Variants in MRPS9 observed in about 807,000 individuals in gnomAD.
The protein encoded by MRPS9 is small ribosomal subunit protein uS9m.
Under a neutral mutation model 59.9 loss-of-function variants are expected in MRPS9, and 45 were observed. The ratio of observed to expected loss-of-function variants is 0.75; its 90% CI spans 0.59 to 0.96. MRPS9 has a LOEUF of 0.96. Ranked by LOEUF, MRPS9 falls within the 40% of genes least tolerant of loss-of-function variation. The probability of loss-of-function intolerance (pLI) is 0.00; values close to 1 mark genes in which losing one functional copy is unlikely to be tolerated. For missense variants in MRPS9, 473 were observed against 481.1 expected (o/e 0.98, Z 0.16); for synonymous variants, 171 against 166.8 (o/e 1.03, Z -0.19).
chr2:105,051,449 A>G (rs188698324), intron 2 of MRPS9, among the ~76,000 whole-genome samples: 5 of 152,284 alleles, frequency 3.3e-5, no homozygotes, highest in African/African-American at 9.6e-5. Context: ...GCTTTATAGT[A>G]AGTTTTGAAA....
chr2:105,067,901 C>T (rs1680033992), intron 2 of MRPS9, among the ~76,000 whole-genome samples: 1 of 152,160 alleles, frequency 6.6e-6, no homozygotes. Flanking sequence ...TGTCATAGCT[C>T]ACTGCAGACT....
intron 2 of MRPS9, among the ~76,000 whole-genome samples, chr2:105,051,467 G>T (rs1267464265): frequency 6.6e-6 from 1 of 152,150 alleles, no homozygotes; most frequent in Non-Finnish European, 1.5e-5. Flanking sequence ...AAATTGGGAA[G>T]TGTAAGTAGT....
chr2:105,054,648 C>T (rs1201251020), intron 2 of MRPS9, among the ~76,000 whole-genome samples: 4 of 113,544 alleles, frequency 3.5e-5, no homozygotes, highest in Non-Finnish European at 1.8e-5. Flanking sequence ...TTAAATATAG[C>T]GGGCCCCTTT....
intron 1 of MRPS9, among the ~76,000 whole-genome samples, chr2:105,044,640 G>A (rs575761363): frequency 6.6e-6 from 1 of 152,236 alleles, no homozygotes; most frequent in South Asian, 2.1e-4. Flanking sequence ...CCTCAATTAT[G>A]TTAAAAGTAG....
rs749241509 is a variant in MRPS9 at position 105,049,323 on chromosome 2, A to G, written c.288A>G (p.Pro96=). 2 of 1,611,296 alleles carry G rather than the reference A, an allele frequency of 1.2e-6. No homozygotes were observed. The highest frequency in any genetic ancestry group is 1.7e-6 in the Non-Finnish European group (2 of 1,179,332). Residue 96 remains proline (P), a synonymous_variant, in exon 2 of 11, where the codon CCA becomes CCG. Transcript: ENST00000258455. ...TAGCCAACATGATGGGAGAAGATCC[A>G]GAAACTTTCACTCAAGAAGATATTG... ...RHLANMMGED[P]ETFTQEDIDR... is the part of the protein sequence containing the mutation.
At chr2:105,081,254 A>G (rs1469001892) in intron 5 of MRPS9, among the ~76,000 whole-genome samples, 3 of 152,236 alleles carry the variant, frequency 2.0e-5, no homozygotes, top group Non-Finnish European at 2.9e-5. Flanking sequence ...AAGGGATGCA[A>G]TGCTGCGTTT....
rs1034878791 is a variant in MRPS9 at position 105,093,518 on chromosome 2, A to G, written c.821-12A>G. On this transcript the variant is annotated splice_polypyrimidine_tract_variant and intron_variant, in intron 8 of 10. Coordinates refer to ENST00000258455, the MANE Select transcript of MRPS9 (RefSeq NM_182640.3). Reference sequence around the variant, plus strand: ...CAAGATATTTACTAATAGGAATTTTATATTTTTGAAGGTAAAAGAAAGACT... The same window carrying G: ...CAAGATATTTACTAATAGGAATTTTGTATTTTTGAAGGTAAAAGAAAGACT... 3 of 1,496,364 alleles carry G rather than the reference A, an allele frequency of 2.0e-6. No individual in the cohort carries two copies. The highest frequency in any genetic ancestry group is 2.8e-6 in the Non-Finnish European group (3 of 1,090,696). The allele number at this position is 1,496,364 out of a possible 1,614,324, so 92.7% of individuals were successfully genotyped here.
At chr2:105,088,063 G>T (rs1302605271) in intron 5 of MRPS9, among the ~76,000 whole-genome samples, 1 of 151,306 alleles carries the variant, frequency 6.6e-6, no homozygotes. Flanking sequence ...TCAGTAACAA[G>T]GTGTATCTTC....
At chr2:105,071,099 A>T (rs112759585) in intron 2 of MRPS9, among the ~76,000 whole-genome samples, 5 of 152,240 alleles carry the variant, frequency 3.3e-5, no homozygotes, top group Non-Finnish European at 5.9e-5. Context: ...TTTAAAGCTG[A>T]CACTTGAAAA....
At chr2:105,058,926 C>T (rs938859568) in intron 2 of MRPS9, among the ~76,000 whole-genome samples, 1 of 152,138 alleles carries the variant, frequency 6.6e-6, no homozygotes, top group Non-Finnish European at 1.5e-5. Context: ...GATCCACCCA[C>T]CTCGGCCTCC....
intron 2 of MRPS9, among the ~76,000 whole-genome samples, chr2:105,058,535 A>T (rs1039573723): frequency 1.3e-5 from 2 of 152,240 alleles, no homozygotes; most frequent in Non-Finnish European, 2.9e-5. Flanking sequence ...AAACATGTTT[A>T]CTAATGAGGA....
chr2:105,057,589 G>A (rs73945020), intron 2 of MRPS9, among the ~76,000 whole-genome samples: 2 of 151,904 alleles, frequency 1.3e-5, no homozygotes, highest in Non-Finnish European at 2.9e-5. Context: ...GCTAGGTGAG[G>A]AGTGCAGCAA....
At chr2:105,057,199 C>A (rs181902612) in intron 2 of MRPS9, among the ~76,000 whole-genome samples, 1 of 152,078 alleles carries the variant, frequency 6.6e-6, no homozygotes, top group Non-Finnish European at 1.5e-5. Context: ...TACTGATAAC[C>A]TTTAGAAGAT....
chr2:105,049,888 A>G (rs1679677481), intron 2 of MRPS9, among the ~76,000 whole-genome samples: 1 of 152,228 alleles, frequency 6.6e-6, no homozygotes, highest in African/African-American at 2.4e-5. Context: ...AGTTGAATTT[A>G]ACAACTTTGA....
chr2:105,069,300 C>T (rs547655467), intron 2 of MRPS9, among the ~76,000 whole-genome samples: 8 of 151,720 alleles, frequency 5.3e-5, no homozygotes, highest in African/African-American at 1.5e-4. Flanking sequence ...CTGCAACCTC[C>T]GCCTTCCAGG....
intron 2 of MRPS9, among the ~76,000 whole-genome samples, chr2:105,068,240 G>A (rs931107347): frequency 2.6e-5 from 4 of 152,140 alleles, no homozygotes; most frequent in Non-Finnish European, 5.9e-5. Context: ...ACAGGAAATA[G>A]TTTTTAAGAT....
At chr2:105,070,160 C>A (rs1175755257) in intron 2 of MRPS9, among the ~76,000 whole-genome samples, 4 of 152,132 alleles carry the variant, frequency 2.6e-5, no homozygotes, top group African/African-American at 9.7e-5. Context: ...TGCACTCCAG[C>A]CTGCGTGACA....
At chr2:105,068,404 A>T (rs189613568) in intron 2 of MRPS9, among the ~76,000 whole-genome samples, 201 of 152,294 alleles carry the variant, frequency 1.3e-3, no homozygotes, top group Non-Finnish European at 2.6e-3. Flanking sequence ...TATCAGTGTT[A>T]TGACTGACTA....
chr2:105,039,632 T>C (rs561894608), intron 1 of MRPS9, among the ~76,000 whole-genome samples: 1 of 152,342 alleles, frequency 6.6e-6, no homozygotes, highest in Non-Finnish European at 1.5e-5. Flanking sequence ...TGCAGTATAT[T>C]GTAAAGTAGA....
Sources: gnomAD v4.1 joint callset for allele counts (sites outside exome capture counted in the v4.1 genomes callset) on GRCh38, gnomAD v4.1.1 for gene constraint, MANE v1.5 for transcripts, NCBI Gene and HGNC (gene_info 2026-07-23, HGNC 2026-07-21) for gene names.